NMU: variants seen among roughly 807,000 people sequenced by gnomAD.
NMU encodes neuromedin-U.
In NMU, 29 loss-of-function variants were observed where a neutral mutation model predicts 35.4. The observed-to-expected ratio is 0.82, with a 90% CI of 0.61 to 1.12. The LOEUF (loss-of-function observed/expected upper bound fraction) is 1.12, where lower values mean the gene tolerates loss of function less well. NMU is among the 50% of genes most tolerant of loss of function. NMU has a pLI of 0.00. For missense variants in NMU, 199 were observed against 206.2 expected (o/e 0.97, Z 0.21); for synonymous variants, 78 against 81.3 (o/e 0.96, Z 0.22).
intron 1 of NMU, among the ~76,000 whole-genome samples, chr4:55,631,455 G>A (rs1363209483): frequency 1.3e-5 from 2 of 152,008 alleles, no homozygotes; most frequent in African/African-American, 2.4e-5. Context: ...CAGAATCTAT[G>A]AGGAACTCAA....
intron 1 of NMU, among the ~76,000 whole-genome samples, chr4:55,633,093 G>C (rs1204277198): frequency 2.0e-5 from 3 of 151,950 alleles, no homozygotes; most frequent in Non-Finnish European, 4.4e-5. Flanking sequence ...GAGAGGCCAA[G>C]GCGGGCATAT....
At chr4:55,597,564 C>CTCCA (rs1360468879) in intron 9 of NMU, among the ~76,000 whole-genome samples, 1 of 152,042 alleles carries the variant, frequency 6.6e-6, no homozygotes, top group Admixed American at 6.6e-5. Context: ...GACAGGATTT[C>CTCCA]TCCATGTTGG....
chr4:55,611,931 A>T (rs1052829398), intron 3 of NMU, among the ~76,000 whole-genome samples: 10 of 152,170 alleles, frequency 6.6e-5, no homozygotes, highest in African/African-American at 2.4e-4. Flanking sequence ...TATACAGAGG[A>T]AGTAAGGTTC....
At chr4:55,635,940 G>A (rs920055085) in intron 1 of NMU, 141 bp downstream of exon 1, 43 of 1,459,852 alleles carry the variant, frequency 2.9e-5, no homozygotes, top group Non-Finnish European at 3.4e-5. Context: ...TGGGAGGCGG[G>A]AAACCCCGCG....
chr4:55,614,820 T>G (rs1734056622), intron 3 of NMU, among the ~76,000 whole-genome samples: 2 of 152,360 alleles, frequency 1.3e-5, no homozygotes, highest in South Asian at 2.1e-4. Context: ...AATGCATATA[T>G]GCTGATTAAT....
intron 9 of NMU, among the ~76,000 whole-genome samples, chr4:55,598,083 G>T (rs1184843023): frequency 3.4e-5 from 4 of 119,272 alleles, no homozygotes; most frequent in South Asian, 2.6e-4. Context: ...TGTTGTTTTG[G>T]TTGTGGTTTT....
At chr4:55,604,359 G>A (rs1733588083) in intron 7 of NMU, among the ~76,000 whole-genome samples, 1 of 151,790 alleles carries the variant, frequency 6.6e-6, no homozygotes, top group South Asian at 2.1e-4. Context: ...AGCGACAAGA[G>A]TTAGGATTCT....
chr4:55,603,929 ATAT>A (rs760826094), intron 7 of NMU, among the ~76,000 whole-genome samples: 360 of 30,392 alleles, frequency 0.012, 51 homozygotes, highest in South Asian at 0.046. Context: ...AAAAAAAAAT[ATAT>A]ATATATATAT....
At chr4:55,635,891 T>C (rs990147780) in intron 1 of NMU, among the ~76,000 whole-genome samples, 190 bp downstream of exon 1, 3 of 152,178 alleles carry the variant, frequency 2.0e-5, no homozygotes, top group Non-Finnish European at 4.4e-5. Context: ...GGCCCCTTGC[T>C]CCTACGTCGC....
At chr4:55,629,055 A>T (rs1474736286) in intron 2 of NMU, among the ~76,000 whole-genome samples, 1 of 152,100 alleles carries the variant, frequency 6.6e-6, no homozygotes, top group Admixed American at 6.5e-5. Flanking sequence ...TATTTACCAA[A>T]ATACTATATA....
chr4:55,625,855 G>A (rs1350161121), intron 2 of NMU, among the ~76,000 whole-genome samples: 1 of 151,562 alleles, frequency 6.6e-6, no homozygotes, highest in Admixed American at 6.6e-5. Flanking sequence ...TGCTTCAAGT[G>A]CTGTAGTAGA....
rs1733351807 is a variant in NMU, at chr4:55,599,847, T to C, written c.490-666A>G. Reference sequence around the variant, plus strand: ...ACAGTACTTTATATTTGTTTACTTATCTGTTTTGAGCCTATCTAAATTCCT... The same window carrying C: ...ACAGTACTTTATATTTGTTTACTTACCTGTTTTGAGCCTATCTAAATTCCT... On this transcript the variant is annotated intron_variant, in intron 8 of 9. Transcript: ENST00000264218. 2.0e-5 allele frequency among the ~76,000 whole-genome samples: 3 copies of C among 152,194 alleles called. No individual in the cohort carries two copies. The South Asian group carries it at 6.2e-4, about 32-fold the overall frequency.
intron 9 of NMU, among the ~76,000 whole-genome samples, chr4:55,597,573 G>A (rs1436971191): frequency 6.6e-6 from 1 of 152,068 alleles, no homozygotes; most frequent in African/African-American, 2.4e-5. Flanking sequence ...TCTCCATGTT[G>A]GTCAGGCTGG....
At position 55,636,073 on chromosome 4, in the gene NMU, C is replaced by T. The variant is rs1426493276; in HGVS notation, c.112+8G>A. 2.6e-6 allele frequency: 4 copies of T among 1,531,078 alleles called. No individual in the cohort carries two copies. The highest frequency in any genetic ancestry group is 2.6e-6 in the Non-Finnish European group (3 of 1,145,358). The allele number at this position is 1,531,078 out of a possible 1,614,324, so 94.8% of individuals were successfully genotyped here. A position where few individuals can be genotyped will look rare whatever the true frequency, so the allele number is the denominator to read the frequency against. On this transcript the variant is annotated splice_region_variant and intron_variant, in intron 1 of 9. Coordinates refer to ENST00000264218, the MANE Select transcript of NMU (RefSeq NM_006681.4). The surrounding 1 kb of genome is among the most constrained non-coding windows in gnomAD (Gnocchi z 4.0). ...GCGTGGAAGCGGCCGGGTGCGGGGCCGTCTTACCTCGGCAGGCGCCCGCGC... is the reference window on the plus strand; with the variant it reads ...GCGTGGAAGCGGCCGGGTGCGGGGCTGTCTTACCTCGGCAGGCGCCCGCGC...
chr4:55,610,518 T>C (rs1172814785), intron 3 of NMU, among the ~76,000 whole-genome samples: 3 of 151,488 alleles, frequency 2.0e-5, no homozygotes, highest in African/African-American at 7.3e-5. Context: ...CCTCCAGTAG[T>C]CTCACCTCCT....
intron 4 of NMU, among the ~76,000 whole-genome samples, chr4:55,608,167 T>C (rs1170023923): frequency 1.2e-5 from 1 of 81,098 alleles, no homozygotes; most frequent in African/African-American, 4.7e-5. Flanking sequence ...AGAGCGAGAC[T>C]CCATCTCAAA....
chr4:55,604,198 T>G (rs1245840629), intron 7 of NMU, among the ~76,000 whole-genome samples: 1 of 150,072 alleles, frequency 6.7e-6, no homozygotes, highest in Non-Finnish European at 1.5e-5. Flanking sequence ...CCCGAGTAGC[T>G]GGGATCACAG....
At chr4:55,600,466 A>G (rs1733377436) in intron 8 of NMU, 56 bp downstream of exon 8, 4 of 1,100,642 alleles carry the variant, frequency 3.6e-6, no homozygotes, top group Non-Finnish European at 4.2e-6. Flanking sequence ...TACACAGGGA[A>G]CATATTTTTA....
chr4:55,606,681 C>CTTTT (rs541449403), intron 6 of NMU, among the ~76,000 whole-genome samples: 1 of 139,964 alleles, frequency 7.1e-6, no homozygotes, highest in Non-Finnish European at 1.5e-5. Context: ...TCTTTCTTTT[C>CTTTT]TTTTTTTTTT....
Sources: gnomAD v4.1 joint callset for allele counts (sites outside exome capture counted in the v4.1 genomes callset) on GRCh38, gnomAD v4.1.1 for gene constraint, Gnocchi (gnomAD v3.1) non-coding constraint, MANE v1.5 for transcripts, NCBI Gene and HGNC (gene_info 2026-07-23, HGNC 2026-07-21) for gene names.